The following ENOX1 variants were observed in gnomAD, a reference collection of about 807,000 sequenced individuals.
The protein encoded by ENOX1 is ecto-NOX disulfide-thiol exchanger 1.
Under a neutral mutation model 82.5 loss-of-function variants are expected in ENOX1, and 42 were observed. The observed-to-expected ratio is 0.51, with a 90% confidence interval of 0.40 to 0.66. The LOEUF is 0.66. Ranked by LOEUF, ENOX1 falls within the 30% of genes least tolerant of loss-of-function variation. ENOX1 has a pLI of 0.00. For missense variants in ENOX1, 608 were observed against 811.6 expected (o/e 0.75, Z 3.05); for synonymous variants, 271 against 282.2 (o/e 0.96, Z 0.40).
intron 1 of ENOX1, among the ~76,000 whole-genome samples, chr13:43,672,142 C>A (rs1023901634): frequency 3.9e-5 from 6 of 152,076 alleles, no homozygotes; most frequent in African/African-American, 1.4e-4. Context: ...TCCATTGCCC[C>A]CTCAGACTTG....
intron 2 of ENOX1, among the ~76,000 whole-genome samples, chr13:43,599,407 A>G (rs1326294345): frequency 2.0e-5 from 3 of 151,952 alleles, no homozygotes; most frequent in African/African-American, 7.2e-5. Context: ...ATTGAAACTC[A>G]GTGCTGCCCT....
chr13:43,269,556 C>A lies in ENOX1; in HGVS notation c.1468G>T (p.Glu490Ter). The A allele has an allele frequency of 6.2e-7, 1 of 1,613,740 alleles. No individual in the cohort carries two copies. Among genetic ancestry groups the A allele is most frequent in the Non-Finnish European group, 8.5e-7 (1 of 1,179,742 alleles). Residue 490 changes from glutamate (E) to a stop codon, truncating the protein, a stop_gained, in exon 13 of 17, where the codon GAG becomes TAG. Coordinates refer to ENST00000690772, the MANE Select transcript of ENOX1 (RefSeq NM_001347969.2). LOFTEE classifies it high-confidence loss of function. The part of the protein sequence containing the change: ...MQQQLLTIQE[E>*]LNNKKSELEQ... ...AATTCTGACTTTTTGTTGTTTAACT[C>A]CTCCTGGATGGTTAGCAATTGCTGT...
chr13:43,480,446 A>G (rs2058465541), intron 3 of ENOX1, among the ~76,000 whole-genome samples: 1 of 152,218 alleles, frequency 6.6e-6, no homozygotes, highest in Non-Finnish European at 1.5e-5. Context: ...ATTTTGGATT[A>G]TGCAGATTTA....
intron 1 of ENOX1, among the ~76,000 whole-genome samples, chr13:43,719,253 T>C (rs2088379743): frequency 1.3e-5 from 2 of 151,816 alleles, no homozygotes; most frequent in Non-Finnish European, 2.9e-5. Flanking sequence ...GTTAACTGTG[T>C]TTTTATACCT....
At chr13:43,623,694 T>C (rs896670945) in intron 2 of ENOX1, among the ~76,000 whole-genome samples, 1 of 151,958 alleles carries the variant, frequency 6.6e-6, no homozygotes, top group African/African-American at 2.4e-5. Flanking sequence ...ACAGTGTGAG[T>C]CCCCGCACAC....
At chr13:43,713,697 G>T (rs1388598714) in intron 1 of ENOX1, among the ~76,000 whole-genome samples, 1 of 152,026 alleles carries the variant, frequency 6.6e-6, no homozygotes, top group Admixed American at 6.5e-5. Context: ...TAGTTTATTT[G>T]CATAGAGGTG....
chr13:43,586,774 A>G (rs140863715), intron 2 of ENOX1, among the ~76,000 whole-genome samples: 9 of 152,288 alleles, frequency 5.9e-5, no homozygotes, highest in Non-Finnish European at 8.8e-5. Context: ...TGCAAGATTT[A>G]AGAAATAGTA....
At chr13:43,411,781 C>T in intron 5 of ENOX1, 135 bp downstream of exon 5, 1 of 1,129,372 alleles carries the variant, frequency 8.9e-7, no homozygotes, top group Non-Finnish European at 1.2e-6. Context: ...ATCTCAAGTA[C>T]AACTTGCCAA....
chr13:43,262,307 C>T (rs1244048060), intron 14 of ENOX1, among the ~76,000 whole-genome samples: 1 of 152,094 alleles, frequency 6.6e-6, no homozygotes. Context: ...TTTAAAAACA[C>T]AATTGTCAGC....
At chr13:43,768,139 T>C (rs1951388753) in intron 1 of ENOX1, among the ~76,000 whole-genome samples, 1 of 152,232 alleles carries the variant, frequency 6.6e-6, no homozygotes, top group African/African-American at 2.4e-5. Flanking sequence ...ATTTTTACTC[T>C]GATAAAGTTG....
At chr13:43,300,576 C>A (rs1331603445) in intron 11 of ENOX1, among the ~76,000 whole-genome samples, 1 of 152,096 alleles carries the variant, frequency 6.6e-6, no homozygotes, top group Non-Finnish European at 1.5e-5. Context: ...ACACTTGGGG[C>A]AAGAAGGAGA....
chr13:43,621,632 G>C (rs1469110150), intron 2 of ENOX1, among the ~76,000 whole-genome samples: 1 of 152,170 alleles, frequency 6.6e-6, no homozygotes, highest in Non-Finnish European at 1.5e-5. Context: ...CTGTTAATCT[G>C]ATAGGTTTTC....
intron 2 of ENOX1, among the ~76,000 whole-genome samples, chr13:43,635,327 A>C (rs906484869): frequency 7.9e-5 from 12 of 152,222 alleles, no homozygotes; most frequent in Non-Finnish European, 1.8e-4. Flanking sequence ...GTAGGTAAGC[A>C]TGAAAGCTGA....
At chr13:43,513,774 A>G (rs2077459726) in intron 2 of ENOX1, among the ~76,000 whole-genome samples, 1 of 152,200 alleles carries the variant, frequency 6.6e-6, no homozygotes, top group Non-Finnish European at 1.5e-5. Flanking sequence ...AATCAATAAA[A>G]AAGGAGAAAA....
intron 2 of ENOX1, among the ~76,000 whole-genome samples, chr13:43,534,727 T>C (rs1428354897): frequency 6.6e-6 from 1 of 152,174 alleles, no homozygotes; most frequent in Non-Finnish European, 1.5e-5. Flanking sequence ...CCAGGAGACA[T>C]GTGGCAATTT....
chr13:43,600,158 G>A (rs2081641128), intron 2 of ENOX1, among the ~76,000 whole-genome samples: 1 of 152,148 alleles, frequency 6.6e-6, no homozygotes, highest in Non-Finnish European at 1.5e-5. Context: ...AAGAGTAAAG[G>A]AGACTTTGTC....
At chr13:43,432,693 G>T (rs534410145) in intron 3 of ENOX1, among the ~76,000 whole-genome samples, 44 of 152,176 alleles carry the variant, frequency 2.9e-4, no homozygotes, top group African/African-American at 1.0e-3. Flanking sequence ...AAATGACTTT[G>T]ACATTTTAAA....
chr13:43,586,171 G>A (rs947931414), intron 2 of ENOX1, among the ~76,000 whole-genome samples: 2 of 152,078 alleles, frequency 1.3e-5, no homozygotes, highest in African/African-American at 2.4e-5. Context: ...CACTCCCTTC[G>A]CCAACCCCAA....
At chr13:43,488,164 T>C (rs1166284301) in intron 2 of ENOX1, among the ~76,000 whole-genome samples, 1 of 152,194 alleles carries the variant, frequency 6.6e-6, no homozygotes, top group Non-Finnish European at 1.5e-5. Flanking sequence ...AGTTCTATGG[T>C]TGAAATGTGT....
Sources: allele counts gnomAD v4.1 joint callset (sites outside exome capture counted in the v4.1 genomes callset), GRCh38; gene constraint gnomAD v4.1.1; transcripts MANE v1.5; gene names NCBI Gene and HGNC (gene_info 2026-07-23, HGNC 2026-07-21).